The following ERBB4 variants were observed in gnomAD, a reference collection of about 807,000 sequenced individuals.
ERBB4 encodes erb-b2 receptor tyrosine kinase 4.
A neutral mutation model predicts 158.0 loss-of-function variants in ERBB4; 42 were observed. The observed-to-expected ratio is 0.27, with a 90% confidence interval of 0.21 to 0.34. The LOEUF (loss-of-function observed/expected upper bound fraction) is 0.34, where lower values mean the gene tolerates loss of function less well. Among genes scored for constraint, ERBB4 ranks in the 10% least tolerant of loss-of-function variants. The pLI is 1.00. For missense variants in ERBB4, 1,333 were observed against 1,624.1 expected, an observed-to-expected ratio of 0.82 and a Z score of 3.08; for synonymous variants, 583 against 558.7, an observed-to-expected ratio of 1.04 and a Z score of -0.61.
At chr2:212,024,406 C>T (rs967063555) in intron 2 of ERBB4, among the ~76,000 whole-genome samples, 1 of 151,558 alleles carries the variant, frequency 6.6e-6, no homozygotes, top group Non-Finnish European at 1.5e-5. Context: ...TATGACATAC[C>T]CCACCACACA....
intron 1 of ERBB4, among the ~76,000 whole-genome samples, chr2:212,524,396 TCTGA>T (rs1180726625): frequency 1.3e-5 from 2 of 152,016 alleles, no homozygotes; most frequent in Non-Finnish European, 2.9e-5. Flanking sequence ...AACTATTCAT[TCTGA>T]CTAATAATAT....
intron 2 of ERBB4, among the ~76,000 whole-genome samples, chr2:211,978,778 A>G (rs1443515196): frequency 6.6e-6 from 1 of 152,178 alleles, no homozygotes; most frequent in African/African-American, 2.4e-5. Flanking sequence ...ACCATCATAA[A>G]TTGGTGAACA....
At chr2:211,777,140 G>A (rs896803773) in intron 4 of ERBB4, 6 of 152,172 alleles carry the variant, frequency 3.9e-5, no homozygotes, top group African/African-American at 7.2e-5. Flanking sequence ...ACATGCATGA[G>A]CGTATATGCG....
At chr2:211,821,668 A>G (rs181025745) in intron 3 of ERBB4, among the ~76,000 whole-genome samples, 36 of 152,190 alleles carry the variant, frequency 2.4e-4, no homozygotes, top group Admixed American at 2.2e-3. Flanking sequence ...CATGCAGATC[A>G]ATGCAAGAGA....
intron 1 of ERBB4, among the ~76,000 whole-genome samples, chr2:212,300,411 C>T (rs12466513): frequency 0.74 from 112,136 of 151,328 alleles, 45,770 homozygotes; most frequent in Non-Finnish European, 0.9. Context: ...TATGTTGTTA[C>T]ACAGGGTTCG....
At chr2:212,474,257 C>A (rs1160907432) in intron 1 of ERBB4, among the ~76,000 whole-genome samples, 1 of 151,168 alleles carries the variant, frequency 6.6e-6, no homozygotes, top group African/African-American at 2.4e-5. Context: ...TGGTACTTTG[C>A]AAATAGGGGT....
At chr2:211,912,255 G>A (rs559712442) in intron 3 of ERBB4, among the ~76,000 whole-genome samples, 1 of 152,188 alleles carries the variant, frequency 6.6e-6, no homozygotes, top group African/African-American at 2.4e-5. Context: ...AATGAGTCTT[G>A]TTTTTGTTCT....
chr2:211,858,791 C>T (rs2017322), intron 3 of ERBB4, among the ~76,000 whole-genome samples: 125,019 of 152,064 alleles, frequency 0.82, 51,614 homozygotes, highest in Non-Finnish European at 0.86. Flanking sequence ...ATTATTTATT[C>T]ATTTTTTTTG....
chr2:211,601,250 A>C (rs1163371042), intron 19 of ERBB4, among the ~76,000 whole-genome samples: 1 of 137,728 alleles, frequency 7.3e-6, no homozygotes, highest in Non-Finnish European at 1.5e-5. Flanking sequence ...TCAGAAAAAG[A>C]AAAAACATAC....
At chr2:211,758,337 A>G (rs1189187858) in intron 4 of ERBB4, among the ~76,000 whole-genome samples, 2 of 152,220 alleles carry the variant, frequency 1.3e-5, no homozygotes, top group African/African-American at 2.4e-5. Context: ...TCACATTAAA[A>G]GGTCTTAATG....
intron 1 of ERBB4, among the ~76,000 whole-genome samples, chr2:212,248,699 G>T (rs1356740446): frequency 6.6e-6 from 1 of 152,048 alleles, no homozygotes; most frequent in Non-Finnish European, 1.5e-5. Flanking sequence ...CAGGTACTCA[G>T]CATTGTCATC....
intron 1 of ERBB4, among the ~76,000 whole-genome samples, chr2:212,326,362 C>A (rs2087832565): frequency 1.3e-5 from 2 of 150,570 alleles, no homozygotes; most frequent in Admixed American, 1.3e-4. Flanking sequence ...AAGACCTCGT[C>A]TTCAAGCAAA....
chr2:212,474,104 A>C (rs1689253201), intron 1 of ERBB4, among the ~76,000 whole-genome samples: 1 of 152,092 alleles, frequency 6.6e-6, no homozygotes, highest in Admixed American at 6.6e-5. Flanking sequence ...AGATGACACT[A>C]TTTCCACTTG....
At chr2:211,583,128 G>T (rs2068153281) in intron 19 of ERBB4, among the ~76,000 whole-genome samples, 1 of 152,006 alleles carries the variant, frequency 6.6e-6, no homozygotes, top group Admixed American at 6.5e-5. Flanking sequence ...AAAAGCTAGT[G>T]GTTTCTAGTG....
At chr2:211,634,674 T>C (rs1278907003) in intron 16 of ERBB4, among the ~76,000 whole-genome samples, 3 of 152,054 alleles carry the variant, frequency 2.0e-5, no homozygotes, top group Non-Finnish European at 4.4e-5. Context: ...TGAATGTGAT[T>C]TATTTTATTT....
intron 1 of ERBB4, among the ~76,000 whole-genome samples, chr2:212,310,373 T>A (rs888173982): frequency 1.3e-5 from 2 of 150,744 alleles, no homozygotes; most frequent in African/African-American, 4.9e-5. Flanking sequence ...CTCCCTCTAT[T>A]GGGGAACAAG....
At chr2:211,787,875 G>T in intron 4 of ERBB4, 150 bp downstream of exon 4, 1 of 682,726 alleles carries the variant, frequency 1.5e-6, no homozygotes, top group South Asian at 1.9e-5. Context: ...GTAAAAGGTT[G>T]ATCAGCCATT....
chr2:212,349,223 T>G (rs2089145892), intron 1 of ERBB4, among the ~76,000 whole-genome samples: 1 of 151,894 alleles, frequency 6.6e-6, no homozygotes, highest in Non-Finnish European at 1.5e-5. Flanking sequence ...ACTAGTCACA[T>G]GTGGTATCTA....
At chr2:211,412,822 C>T (rs933852464) in intron 25 of ERBB4, among the ~76,000 whole-genome samples, 4 of 151,580 alleles carry the variant, frequency 2.6e-5, no homozygotes, top group South Asian at 2.1e-4. Context: ...AGTGTGGTGG[C>T]GTGTGCCTGT....
Sources: gnomAD v4.1 joint callset for allele counts (sites outside exome capture counted in the v4.1 genomes callset) on GRCh38, gnomAD v4.1.1 for gene constraint, MANE v1.5 for transcripts, NCBI Gene and HGNC (gene_info 2026-07-23, HGNC 2026-07-21) for gene names.